Variants in CRPPA observed in about 807,000 individuals in gnomAD.
CRPPA encodes the protein CDP-L-ribitol pyrophosphorylase A, also known as D-ribitol-5-phosphate cytidylyltransferase.
In CRPPA, 43 loss-of-function variants were observed where a neutral mutation model predicts 52.0. The ratio of observed to expected loss-of-function variants is 0.83; its 90% CI spans 0.65 to 1.07. The LOEUF (loss-of-function observed/expected upper bound fraction) is 1.07, where lower values mean the gene tolerates loss of function less well. Among genes scored for constraint, CRPPA ranks in the 50% least tolerant of loss-of-function variants. The pLI is 0.00. For missense variants in CRPPA, 629 were observed against 551.7 expected (o/e 1.14, Z -1.40); for synonymous variants, 250 against 203.5 (o/e 1.23, Z -1.94).
chr7:16,238,798 A>G (rs1160421003), intron 8 of CRPPA, among the ~76,000 whole-genome samples: 1 of 152,162 alleles, frequency 6.6e-6, no homozygotes, highest in Non-Finnish European at 1.5e-5. Flanking sequence ...ATGAAAGCAA[A>G]AAGACTTCAC....
intron 9 of CRPPA, among the ~76,000 whole-genome samples, chr7:16,166,976 T>C (rs1781080091): frequency 6.6e-6 from 1 of 151,130 alleles, no homozygotes; most frequent in Non-Finnish European, 1.5e-5. Flanking sequence ...TCGCCCAGGC[T>C]GGAGTGCAGT....
chr7:16,274,990 C>A (rs1784170521), intron 6 of CRPPA, among the ~76,000 whole-genome samples: 1 of 152,026 alleles, frequency 6.6e-6, no homozygotes, highest in Non-Finnish European at 1.5e-5. Context: ...GCACGAGAAT[C>A]ATTTGAACCT....
At chr7:16,351,432 C>G (rs1344928984) in intron 3 of CRPPA, among the ~76,000 whole-genome samples, 1 of 152,066 alleles carries the variant, frequency 6.6e-6, no homozygotes, top group African/African-American at 2.4e-5. Flanking sequence ...AACTAAAGAG[C>G]TTCTGCACAG....
At chr7:16,200,219 C>T (rs961379608) in intron 9 of CRPPA, among the ~76,000 whole-genome samples, 3 of 152,168 alleles carry the variant, frequency 2.0e-5, no homozygotes, top group Non-Finnish European at 4.4e-5. Flanking sequence ...TCTCCAAAAA[C>T]ATAAACTTCA....
intron 3 of CRPPA, among the ~76,000 whole-genome samples, chr7:16,350,203 G>A (rs1786111363): frequency 6.6e-6 from 1 of 152,036 alleles, no homozygotes. Flanking sequence ...TACAAAAGCT[G>A]AAAAAGTTGA....
At chr7:16,135,059 C>T (rs575083726) in intron 9 of CRPPA, among the ~76,000 whole-genome samples, 1 of 152,252 alleles carries the variant, frequency 6.6e-6, no homozygotes, top group East Asian at 1.9e-4. Context: ...TGGCCAATAT[C>T]TCAAAGCCAT....
chr7:16,267,939 A>C (rs541045095), intron 6 of CRPPA, among the ~76,000 whole-genome samples: 33 of 152,272 alleles, frequency 2.2e-4, no homozygotes, highest in African/African-American at 7.2e-4. Flanking sequence ...CATATACAGG[A>C]AGATGTATAT....
At chr7:16,244,927 A>G (rs1263931645) in intron 8 of CRPPA, among the ~76,000 whole-genome samples, 3 of 152,192 alleles carry the variant, frequency 2.0e-5, no homozygotes, top group African/African-American at 7.2e-5. Context: ...TATAACTTTG[A>G]TATCATTTTG....
intron 6 of CRPPA, chr7:16,276,996 A>AAC (rs1361551978): frequency 6.6e-6 from 1 of 152,216 alleles, no homozygotes; most frequent in Non-Finnish European, 1.5e-5. Context: ...CCACTCTGCC[A>AAC]ACTTATCACT....
intron 1 of CRPPA, among the ~76,000 whole-genome samples, chr7:16,409,102 A>G (rs1394872826): frequency 6.6e-6 from 1 of 152,178 alleles, no homozygotes; most frequent in Non-Finnish European, 1.5e-5. Flanking sequence ...AGGTTTCGCC[A>G]TACTGGCCAG....
chr7:16,145,920 A>C (rs1235586666), intron 9 of CRPPA, among the ~76,000 whole-genome samples: 1 of 152,200 alleles, frequency 6.6e-6, no homozygotes, highest in Non-Finnish European at 1.5e-5. Context: ...ATAATGACAG[A>C]AAACTCCCAA....
intron 2 of CRPPA, among the ~76,000 whole-genome samples, chr7:16,379,965 A>G (rs962911129): frequency 1.4e-4 from 21 of 152,012 alleles, no homozygotes; most frequent in South Asian, 4.2e-4. Flanking sequence ...TCTTTTCCCA[A>G]CTGAATACCC....
chr7:16,136,761 G>A (rs1782770064), intron 9 of CRPPA, among the ~76,000 whole-genome samples: 1 of 152,134 alleles, frequency 6.6e-6, no homozygotes, highest in African/African-American at 2.4e-5. Flanking sequence ...GGTGAGGTGA[G>A]AGTAGTAGGA....
intron 5 of CRPPA, among the ~76,000 whole-genome samples, chr7:16,291,471 T>G (rs1181209209): frequency 6.6e-6 from 1 of 151,886 alleles, no homozygotes; most frequent in Non-Finnish European, 1.5e-5. Flanking sequence ...TTTTAAGTTA[T>G]ATAGGCCAGG....
chr7:16,259,461 T>G (rs960278702), intron 6 of CRPPA, among the ~76,000 whole-genome samples: 1 of 151,878 alleles, frequency 6.6e-6, no homozygotes, highest in African/African-American at 2.4e-5. Flanking sequence ...TAAGAAATCA[T>G]CACAACAATA....
intron 8 of CRPPA, among the ~76,000 whole-genome samples, chr7:16,250,545 C>T (rs1375052393): frequency 6.6e-6 from 1 of 152,150 alleles, no homozygotes; most frequent in Non-Finnish European, 1.5e-5. Flanking sequence ...ACTCTACAAG[C>T]CAGAAGAGAG....
chr7:16,380,238 T>C (rs986987123), intron 2 of CRPPA, among the ~76,000 whole-genome samples: 3 of 151,522 alleles, frequency 2.0e-5, no homozygotes, highest in Admixed American at 1.3e-4. Flanking sequence ...TCTGCATCTA[T>C]TGAGATAATC....
chr7:16,094,168 A>G (rs1781891724), intron 9 of CRPPA, among the ~76,000 whole-genome samples: 1 of 152,154 alleles, frequency 6.6e-6, no homozygotes, highest in Admixed American at 6.5e-5. Context: ...TACTTCTTCA[A>G]TTTTTTACAG....
intron 9 of CRPPA, among the ~76,000 whole-genome samples, chr7:16,146,640 T>C (rs1394785781): frequency 5.3e-5 from 8 of 152,120 alleles, no homozygotes; most frequent in African/African-American, 1.7e-4. Context: ...CATGAGAAGA[T>C]GTATAAAAGT....
Sources: allele counts gnomAD v4.1 joint callset (sites outside exome capture counted in the v4.1 genomes callset), GRCh38; gene constraint gnomAD v4.1.1; transcripts MANE v1.5; gene names NCBI Gene and HGNC (gene_info 2026-07-23, HGNC 2026-07-21).